The following BRD7 variants were observed in gnomAD, a reference collection of about 807,000 sequenced individuals.
BRD7 encodes bromodomain-containing protein 7.
In BRD7, 15 loss-of-function variants were observed where a neutral mutation model predicts 82.1. The ratio of observed to expected loss-of-function variants is 0.18; its 90% confidence interval spans 0.12 to 0.28. The LOEUF (loss-of-function observed/expected upper bound fraction) is 0.28. Ranked by LOEUF, BRD7 falls within the 10% of genes least tolerant of loss-of-function variation. The pLI is 1.00. For synonymous variants in BRD7, 232 were observed against 266.9 expected, an observed-to-expected ratio of 0.87 and a Z score of 1.27; for missense variants, 638 against 779.9, an observed-to-expected ratio of 0.82 and a Z score of 2.17.
At position 50,319,972 on chromosome 16, in the gene BRD7, G is replaced by C; in HGVS notation, c.1815C>G (p.Ile605Met). 6.2e-7 allele frequency: 1 copy of C among 1,613,482 alleles called. No individual in the cohort carries two copies. The highest frequency in any genetic ancestry group is 8.5e-7 in the Non-Finnish European group (1 of 1,179,940). ...CTTTTCGAACTCCATACGTGCTTAC[G>C]ATATCACCTGGAGTTACTTGCTGTG... is the stretch of plus-strand genomic sequence containing the variant. ...ELAQQVTPGD[I>M]VSTYGVRKAM... Residue 605 changes from isoleucine to methionine, a missense_variant, in exon 16 of 17, where the codon ATC becomes ATG. Physicochemically the swap from Ile to Met is conservative, Grantham distance 10. Transcript: ENST00000394688.
At chr16:50,368,344 C>T (rs745450614) in intron 1 of BRD7, 46 bp from the exon 2 acceptor site, 5 of 1,590,942 alleles carry the variant, frequency 3.1e-6, no homozygotes, top group African/African-American at 1.3e-5. Flanking sequence ...CGATTAAAAT[C>T]GGGGCTCTCC....
intron 8 of BRD7, among the ~76,000 whole-genome samples, 177 bp downstream of exon 8, chr16:50,333,397 G>A (rs2037654592): frequency 6.6e-6 from 1 of 152,176 alleles, no homozygotes; most frequent in African/African-American, 2.4e-5. Flanking sequence ...TTAACACCCT[G>A]ATAAACCCAT....
chr16:50,333,837 G>A, intron 7 of BRD7, 140 bp from the exon 8 acceptor site: 1 of 710,722 alleles, frequency 1.4e-6, no homozygotes, highest in Non-Finnish European at 2.3e-6. Context: ...CTTCCTTGAT[G>A]ACCTGTTAAG....
intron 6 of BRD7, among the ~76,000 whole-genome samples, chr16:50,335,579 T>C (rs2037763377): frequency 6.6e-6 from 1 of 152,160 alleles, no homozygotes; most frequent in South Asian, 2.1e-4. Flanking sequence ...TTGTTTCTAC[T>C]GACTACCTTG....
chr16:50,334,924 T>C (rs1463504552), intron 6 of BRD7, 29 bp from the exon 7 acceptor site: 1 of 1,596,458 alleles, frequency 6.3e-7, no homozygotes, highest in Non-Finnish European at 8.5e-7. Context: ...ATTCTTATTA[T>C]ATGTTTGTCA....
At chr16:50,367,945 A>G in intron 2 of BRD7, 145 bp downstream of exon 2, 1 of 812,654 alleles carries the variant, frequency 1.2e-6, no homozygotes, top group Non-Finnish European at 2.0e-6. Flanking sequence ...TAGATGATTC[A>G]TGTCTCTATT....
At position 50,318,153 on chromosome 16, in the gene BRD7, T is replaced by C. The variant is rs569961998; in HGVS notation, c.*1058A>G. 1 of 152,424 alleles carries C rather than the reference T, an allele frequency of 6.6e-6. No individual in the cohort carries two copies. The highest frequency in any genetic ancestry group is 2.1e-4 in the South Asian group (1 of 4,828). The allele number at this position is 152,424 out of a possible 1,614,324, so 9.4% of individuals were successfully genotyped here. A position where few individuals can be genotyped will look rare whatever the true frequency, so the allele number is the denominator to read the frequency against. ...AACTCAAATATCTGAAGGTATTTTA[T>C]TTTCGTGGTCCTCATGAACTCACTA... On this transcript the variant is annotated 3_prime_UTR_variant, in exon 17 of 17. Transcript: ENST00000394688.
In BRD7 at chr16:50,328,650, A is replaced by G. The variant is rs769770222; in HGVS notation, c.1087+19T>C. On this transcript the variant is annotated intron_variant, in intron 9 of 16. Coordinates refer to ENST00000394688, the MANE Select transcript of BRD7 (RefSeq NM_013263.5). ...GCCAAATAGCATCAAGTTCATGCAC[A>G]GTTTTACTCTGATCCTACCTCCTAC... The G allele has an allele frequency of 1.9e-6, 3 of 1,601,082 alleles. No homozygotes were observed. In the East Asian group the frequency reaches 6.7e-5, roughly 36 times the overall value.
chr16:50,366,970 T>C (rs767904959), intron 2 of BRD7, among the ~76,000 whole-genome samples: 7 of 152,138 alleles, frequency 4.6e-5, no homozygotes, highest in Non-Finnish European at 1.0e-4. Flanking sequence ...AAACAAAACA[T>C]TACTCCTACC....
At chr16:50,328,613 T>C in intron 9 of BRD7, 56 bp downstream of exon 9, 2 of 1,480,102 alleles carry the variant, frequency 1.4e-6, no homozygotes, top group Non-Finnish European at 1.9e-6. Context: ...TTAACCCAGG[T>C]TACTGTTCTC....
chr16:50,347,774 T>G, intron 5 of BRD7, among the ~76,000 whole-genome samples: 1 of 152,208 alleles, frequency 6.6e-6, no homozygotes, highest in Non-Finnish European at 1.5e-5. Context: ...TACAAACAAA[T>G]GGAAGAACAT....
intron 2 of BRD7, among the ~76,000 whole-genome samples, chr16:50,361,208 C>T (rs2038921738): frequency 6.6e-6 from 1 of 152,132 alleles, no homozygotes. Context: ...TATGAGTCTG[C>T]CTCCACTGTT....
Position 50,316,403 on chromosome 16 carries a change from T to A in BRD7, c.*2808A>T, listed in dbSNP as rs929884346. On this transcript the variant is annotated 3_prime_UTR_variant, in exon 17 of 17. Transcript: ENST00000394688. ...TGCGGCCTTTCACCTCTTCCTTGAT[T>A]ACTCACACATCTTTGCGTTCTCCCC... 7.2e-5 allele frequency: 11 copies of A among 152,376 alleles called. No homozygotes were observed. Among genetic ancestry groups the A allele is most frequent in the African/African-American group, 2.7e-4 (11 of 41,456 alleles). The allele number at this position is 152,376 out of a possible 1,614,324, so 9.4% of individuals were successfully genotyped here.
intron 6 of BRD7, among the ~76,000 whole-genome samples, chr16:50,336,002 G>A (rs2037783100): frequency 6.6e-6 from 1 of 152,188 alleles, no homozygotes; most frequent in South Asian, 2.1e-4. Context: ...GAGAAGAACA[G>A]TGTTAACAAG....
intron 5 of BRD7, among the ~76,000 whole-genome samples, chr16:50,340,883 G>A (rs1466930037): frequency 6.6e-6 from 1 of 151,956 alleles, no homozygotes. Context: ...GCCTTACTAA[G>A]TTGAAAGAAA....
intron 16 of BRD7, among the ~76,000 whole-genome samples, chr16:50,319,595 G>GCCAATT: frequency 6.6e-6 from 1 of 151,634 alleles, no homozygotes; most frequent in African/African-American, 2.4e-5. Context: ...AATATTTGGG[G>GCCAATT]AAAAAACCCA....
chr16:50,340,831 A>G (rs1029377159), intron 5 of BRD7, among the ~76,000 whole-genome samples: 9 of 152,214 alleles, frequency 5.9e-5, no homozygotes, highest in African/African-American at 1.9e-4. Flanking sequence ...TTCATAGTTA[A>G]GTAATTTTTA....
At chr16:50,329,231 A>C (rs2037458621) in intron 8 of BRD7, among the ~76,000 whole-genome samples, 1 of 152,182 alleles carries the variant, frequency 6.6e-6, no homozygotes, top group Non-Finnish European at 1.5e-5. Context: ...ATGGAGGTGA[A>C]GAAAATCTCA....
chr16:50,354,964 C>A, intron 2 of BRD7, 42 bp from the exon 3 acceptor site: 1 of 1,594,058 alleles, frequency 6.3e-7, no homozygotes, highest in African/African-American at 1.4e-5. Context: ...TATTTCAGAA[C>A]CAATATCTTT....
Sources: gnomAD v4.1 joint callset for allele counts (sites outside exome capture counted in the v4.1 genomes callset) on GRCh38, gnomAD v4.1.1 for gene constraint, MANE v1.5 for transcripts, NCBI Gene and HGNC (gene_info 2026-07-23, HGNC 2026-07-21) for gene names.